The following ITPR1 variants were observed in gnomAD, a reference collection of about 807,000 sequenced individuals.
The protein encoded by ITPR1 is inositol 1,4,5-trisphosphate receptor type 1, also known as inositol 1,4,5-trisphosphate-gated calcium channel ITPR1.
In ITPR1, 96 loss-of-function variants were observed where a neutral mutation model predicts 318.4. That is an observed-to-expected ratio of 0.30 (90% CI 0.26 to 0.36). ITPR1 has a LOEUF of 0.36. ITPR1 is among the 10% of genes least tolerant of loss of function. The pLI, the probability that ITPR1 is intolerant of heterozygous loss-of-function variation, is 1.00. For synonymous variants in ITPR1, 1,312 were observed against 1,289.9 expected (o/e 1.02, Z -0.37); for missense variants, 2,440 against 3,460.2 (o/e 0.71, Z 7.40).
At chr3:4,787,912 A>G (rs939707787) in intron 51 of ITPR1, 35 bp from the exon 52 acceptor site, 1 of 1,488,914 alleles carries the variant, frequency 6.7e-7, no homozygotes, top group Non-Finnish European at 9.3e-7. Context: ...GGTTTCAAAG[A>G]TGAATATTTA....
intron 7 of ITPR1, among the ~76,000 whole-genome samples, chr3:4,643,532 T>C (rs1245421967): frequency 2.0e-5 from 3 of 152,084 alleles, no homozygotes; most frequent in Non-Finnish European, 4.4e-5. Context: ...ACTATCCTTT[T>C]TGAAAGTGGG....
chr3:4,665,276 C>G lies in ITPR1; in HGVS notation c.1693C>G (p.Gln565Glu). The change falls in exon 17 of 62, where the codon CAA becomes GAA. Residue 565 changes from glutamine (Q) to glutamate (E), a missense_variant. Gln to Glu is a conservative substitution (Grantham distance 29). This residue lies in a region of ITPR1 where 478 missense variants were observed against 696.3 expected (regional missense o/e 0.69). Coordinates refer to ENST00000649015, the MANE Select transcript of ITPR1 (RefSeq NM_001378452.1). ...LCYRVLRHSQ[Q>E]DYRKNQEYIA... is the part of the protein sequence containing the mutation. ...CTACAGGGTGCTGAGACACTCGCAG[C>G]AAGACTACAGGAAGAACCAGGTTTG... 6.2e-7 allele frequency: 1 copy of G among 1,612,914 alleles called. No individual in the cohort carries two copies. Among genetic ancestry groups the G allele is most frequent in the Non-Finnish European group, 8.5e-7 (1 of 1,179,008 alleles).
intron 11 of ITPR1, among the ~76,000 whole-genome samples, chr3:4,653,439 C>T (rs2093640074): frequency 6.6e-6 from 1 of 152,176 alleles, no homozygotes; most frequent in Non-Finnish European, 1.5e-5. Context: ...TATGTGGTTT[C>T]CTGAAGACTA....
intron 44 of ITPR1, among the ~76,000 whole-genome samples, chr3:4,754,727 G>C (rs971613814): frequency 1.3e-5 from 2 of 152,190 alleles, no homozygotes; most frequent in African/African-American, 4.8e-5. Context: ...ATATTGGCTT[G>C]AAGAGCCACC....
Position 4,663,188 on chromosome 3 carries a change from A to G in ITPR1, c.1536A>G (p.Glu512=), listed in dbSNP as rs35047189. ...GAGAACGGCAGAAACTGATGAGAGA[A>G]CAGAATATTCTCAAGCAGGTCGGTG... ...PNRERQKLMR[E]QNILKQIFKL... Residue 512 remains glutamate, a synonymous_variant, in exon 16 of 62, where the codon GAA becomes GAG. Coordinates refer to ENST00000649015, the MANE Select transcript of ITPR1 (RefSeq NM_001378452.1). 2,728 of 1,612,924 alleles carry G rather than the reference A, an allele frequency of 1.7e-3. 12 individuals carry two copies. Among genetic ancestry groups the G allele is most frequent in the African/African-American group, 0.016 (1,224 of 75,000 alleles).
intron 40 of ITPR1, among the ~76,000 whole-genome samples, chr3:4,721,064 C>G (rs189174216): frequency 1.8e-3 from 265 of 150,998 alleles, no homozygotes; most frequent in Admixed American, 3.1e-3. Context: ...ACAGAGCAAA[C>G]TCAACTCAGA....
chr3:4,576,896 T>G (rs778621254), intron 4 of ITPR1, among the ~76,000 whole-genome samples: 1 of 152,238 alleles, frequency 6.6e-6, no homozygotes, highest in Non-Finnish European at 1.5e-5. Context: ...AGAGATTTCC[T>G]GAAGGGTCAT....
intron 44 of ITPR1, among the ~76,000 whole-genome samples, chr3:4,751,849 A>G (rs1395682167): frequency 2.0e-5 from 3 of 152,190 alleles, no homozygotes; most frequent in Non-Finnish European, 4.4e-5. Flanking sequence ...AAGGCGCCTC[A>G]TGTACACACT....
At chr3:4,651,611 G>A (rs774987343) in intron 10 of ITPR1, among the ~76,000 whole-genome samples, 4 of 152,216 alleles carry the variant, frequency 2.6e-5, no homozygotes, top group Non-Finnish European at 5.9e-5. Context: ...TCTCTGCAGT[G>A]TCTAATTGTT....
At position 4,661,004 on chromosome 3, in the gene ITPR1, C is replaced by G; in HGVS notation, c.1168C>G (p.Leu390Val). The change falls in exon 14 of 62, where the codon CTC becomes GTC. Residue 390 changes from leucine to valine, a missense_variant. Leu to Val is a conservative substitution (Grantham distance 32). Coordinates refer to ENST00000649015, the MANE Select transcript of ITPR1 (RefSeq NM_001378452.1). ...SLVPRNSYVR[L>V]RHLCTNTWVH... ...CCCTGTTAGGAACTCTTATGTTCGGCTCAGACACCTATGTACTAATACCTG... is the reference window on the plus strand; with the variant it reads ...CCCTGTTAGGAACTCTTATGTTCGGGTCAGACACCTATGTACTAATACCTG... 1 of 1,595,040 alleles carries G rather than the reference C, an allele frequency of 6.3e-7. No individual in the cohort carries two copies. Among genetic ancestry groups the G allele is most frequent in the Non-Finnish European group, 8.6e-7 (1 of 1,165,864 alleles).
intron 4 of ITPR1, among the ~76,000 whole-genome samples, chr3:4,593,336 C>T (rs961442510): frequency 6.6e-6 from 1 of 152,300 alleles, no homozygotes; most frequent in East Asian, 1.9e-4. Context: ...GAGGCTTAGA[C>T]AAGGTCACAT....
intron 13 of ITPR1, 56 bp downstream of exon 13, chr3:4,658,334 A>C: frequency 6.9e-7 from 1 of 1,452,086 alleles, no homozygotes; most frequent in Non-Finnish European, 9.4e-7. Context: ...AGGTGGCCTG[A>C]CCAGGTTTCT....
chr3:4,685,246 G>A (rs1268570066), intron 30 of ITPR1, 40 bp downstream of exon 30: 1 of 1,549,820 alleles, frequency 6.5e-7, no homozygotes, highest in Non-Finnish European at 8.7e-7. Context: ...TCTCAGGATG[G>A]GGCGGATCCC....
At chr3:4,678,971 A>C (rs1027672727) in intron 24 of ITPR1, among the ~76,000 whole-genome samples, 1 of 152,196 alleles carries the variant, frequency 6.6e-6, no homozygotes, top group Admixed American at 6.5e-5. Context: ...GAAAGTCTTC[A>C]AGCGGGAGCT....
intron 4 of ITPR1, among the ~76,000 whole-genome samples, chr3:4,615,885 G>T (rs1397513336): frequency 2.6e-5 from 4 of 152,206 alleles, no homozygotes; most frequent in African/African-American, 9.6e-5. Context: ...AGCCTGGGGT[G>T]TTGTCAGCTC....
chr3:4,612,305 G>T (rs1237203316), intron 4 of ITPR1, among the ~76,000 whole-genome samples: 1 of 151,710 alleles, frequency 6.6e-6, no homozygotes, highest in African/African-American at 2.4e-5. Context: ...CAGGTGATCC[G>T]CCTGCCTCGG....
chr3:4,544,388 A>G (rs764607567), intron 4 of ITPR1, among the ~76,000 whole-genome samples: 12 of 152,178 alleles, frequency 7.9e-5, no homozygotes, highest in Non-Finnish European at 1.6e-4. Context: ...AGTAGCTCTT[A>G]CTCTAGCCAT....
chr3:4,835,518 G>A (rs1167796725), intron 60 of ITPR1, among the ~76,000 whole-genome samples: 5 of 152,080 alleles, frequency 3.3e-5, no homozygotes, highest in African/African-American at 4.8e-5. Context: ...AAATGTCGCC[G>A]ACCCCCACGG....
chr3:4,538,060 C>G (rs2124968036), intron 4 of ITPR1, among the ~76,000 whole-genome samples: 1 of 152,134 alleles, frequency 6.6e-6, no homozygotes, highest in East Asian at 1.9e-4. Context: ...CATTCTCTTT[C>G]TTTAGATTTA....
Sources: gnomAD v4.1 joint callset for allele counts (sites outside exome capture counted in the v4.1 genomes callset) on GRCh38, gnomAD v4.1.1 for gene constraint, gnomAD v4.1.1 regional missense constraint, MANE v1.5 for transcripts, NCBI Gene and HGNC (gene_info 2026-07-23, HGNC 2026-07-21) for gene names.